Variants in TSPAN7 observed in about 807,000 individuals in gnomAD.
TSPAN7 encodes the protein tetraspanin 7.
Under a neutral mutation model 17.6 loss-of-function variants are expected in TSPAN7, and 1 was observed. That is an observed-to-expected ratio of 0.06 (90% CI 0.02 to 0.27). TSPAN7 has a LOEUF of 0.27. Ranked by LOEUF, TSPAN7 falls within the 10% of genes least tolerant of loss-of-function variation. The pLI is 1.00. For missense variants in TSPAN7, 112 were observed against 201.7 expected, an observed-to-expected ratio of 0.56 and a Z score of 2.69; for synonymous variants, 78 against 79.0, an observed-to-expected ratio of 0.99 and a Z score of 0.07.
intron 1 of TSPAN7, among the ~76,000 whole-genome samples, chrX:38,600,127 T>G (rs141379733): frequency 0.011 from 1,213 of 111,761 alleles, 13 homozygotes; most frequent in African/African-American, 0.036. Flanking sequence ...GCAGAAACTT[T>G]AGTTACCCTC....
chrX:38,617,716 T>C (rs769426437), intron 1 of TSPAN7, among the ~76,000 whole-genome samples: 1 of 112,287 alleles, frequency 8.9e-6, no homozygotes, highest in African/African-American at 3.2e-5. Context: ...TGGTTCATTA[T>C]TTGTATGCTA....
chrX:38,625,265 G>C (rs1422889028), intron 1 of TSPAN7, among the ~76,000 whole-genome samples: 2 of 110,155 alleles, frequency 1.8e-5, no homozygotes, highest in Non-Finnish European at 3.8e-5. Flanking sequence ...TTGAACCCTG[G>C]TCTTTCTGAA....
intron 1 of TSPAN7, among the ~76,000 whole-genome samples, chrX:38,640,187 G>A (rs1390158891): frequency 9.0e-6 from 1 of 111,426 alleles, no homozygotes; most frequent in Non-Finnish European, 1.9e-5. Flanking sequence ...TTGAAATTTA[G>A]TTTTTCAGGA....
intron 3 of TSPAN7, among the ~76,000 whole-genome samples, 154 bp downstream of exon 3, chrX:38,671,604 T>C (rs1038983050): frequency 8.9e-6 from 1 of 112,004 alleles, no homozygotes; most frequent in African/African-American, 3.3e-5. Context: ...CCTGAAATTT[T>C]CATGAAATTC....
At chrX:38,671,258 T>C (rs1472618000) in intron 2 of TSPAN7, 118 bp from the exon 3 acceptor site, 4 of 691,370 alleles carry the variant, frequency 5.8e-6, no homozygotes, top group Non-Finnish European at 9.4e-6. Context: ...TTTCTAAACT[T>C]TGTCTAGGGA....
At chrX:38,582,242 A>T (rs1379891786) in intron 1 of TSPAN7, among the ~76,000 whole-genome samples, 1 of 112,785 alleles carries the variant, frequency 8.9e-6, no homozygotes, top group Non-Finnish European at 1.9e-5. Context: ...TTAAAATTAC[A>T]TCCTATAGAT....
intron 1 of TSPAN7, among the ~76,000 whole-genome samples, chrX:38,575,976 G>A (rs1276362004): frequency 8.9e-6 from 1 of 112,238 alleles, no homozygotes; most frequent in Non-Finnish European, 1.9e-5. Context: ...TATTGCTCTA[G>A]AGAAGTGGTA....
intron 1 of TSPAN7, among the ~76,000 whole-genome samples, chrX:38,584,612 C>CT (rs2069247959): frequency 8.9e-6 from 1 of 111,881 alleles, no homozygotes; most frequent in Non-Finnish European, 1.9e-5. Flanking sequence ...GGTTGTGTGT[C>CT]TTTTTTGTGT....
chrX:38,609,286 G>C (rs2069403994), intron 1 of TSPAN7, among the ~76,000 whole-genome samples: 1 of 111,801 alleles, frequency 8.9e-6, no homozygotes, highest in Non-Finnish European at 1.9e-5. Context: ...ATTTGGAGCT[G>C]TCTCTCTTCA....
chrX:38,683,427 C>T (rs1232646819), intron 6 of TSPAN7, among the ~76,000 whole-genome samples: 2 of 112,961 alleles, frequency 1.8e-5, no homozygotes, highest in Non-Finnish European at 3.7e-5. Flanking sequence ...AGTAAGAGAG[C>T]GGCTTTGGCC....
intron 5 of TSPAN7, among the ~76,000 whole-genome samples, chrX:38,680,145 C>T (rs999639487): frequency 7.2e-5 from 8 of 111,656 alleles, no homozygotes; most frequent in African/African-American, 2.3e-4. Context: ...AAACATGTCT[C>T]AAAGCACTAC....
intron 1 of TSPAN7, among the ~76,000 whole-genome samples, chrX:38,575,547 G>A (rs967755451): frequency 1.8e-5 from 2 of 111,285 alleles, no homozygotes; most frequent in African/African-American, 3.3e-5. Context: ...CTGATACTAC[G>A]GGATATCTAT....
intron 1 of TSPAN7, among the ~76,000 whole-genome samples, chrX:38,563,657 C>G (rs2069126697): frequency 9.0e-6 from 1 of 111,632 alleles, no homozygotes; most frequent in Admixed American, 9.4e-5. Context: ...TTACTTAATG[C>G]CCCCAATACA....
intron 6 of TSPAN7, among the ~76,000 whole-genome samples, chrX:38,685,588 C>T (rs766606337): frequency 1.8e-5 from 2 of 112,077 alleles, no homozygotes; most frequent in Admixed American, 9.4e-5. Context: ...CCACTGCACT[C>T]CAGCCTGGAT....
chrX:38,627,715 C>G (rs768611962), intron 1 of TSPAN7, among the ~76,000 whole-genome samples: 1 of 112,754 alleles, frequency 8.9e-6, no homozygotes, highest in African/African-American at 3.2e-5. Flanking sequence ...AAAAAAAAGT[C>G]TCTTAAAAAT....
chrX:38,629,398 G>A (rs1358061685), intron 1 of TSPAN7, among the ~76,000 whole-genome samples: 2 of 112,300 alleles, frequency 1.8e-5, no homozygotes, highest in East Asian at 2.8e-4. Flanking sequence ...ATTATCACAC[G>A]GTTCACTTGA....
chrX:38,673,404 G>C (rs2069834597), intron 3 of TSPAN7, among the ~76,000 whole-genome samples: 1 of 83,617 alleles, frequency 1.2e-5, no homozygotes, highest in Non-Finnish European at 2.2e-5. Flanking sequence ...GCCTTGCTCT[G>C]TTGCCAAGGC....
chrX:38,630,289 T>G (rs770043993), intron 1 of TSPAN7, among the ~76,000 whole-genome samples: 2 of 112,414 alleles, frequency 1.8e-5, no homozygotes, highest in Non-Finnish European at 3.8e-5. Flanking sequence ...AATGGATATA[T>G]TGCTCTGTTC....
chrX:38,661,469 C>T (rs1053428886), intron 1 of TSPAN7, among the ~76,000 whole-genome samples: 34 of 112,022 alleles, frequency 3.0e-4, no homozygotes, highest in Non-Finnish European at 5.5e-4. Flanking sequence ...GTGTTGTAAG[C>T]ACACAGAAAA....
Sources: gnomAD v4.1 joint callset for allele counts (sites outside exome capture counted in the v4.1 genomes callset) on GRCh38, gnomAD v4.1.1 for gene constraint, MANE v1.5 for transcripts, NCBI Gene and HGNC (gene_info 2026-07-23, HGNC 2026-07-21) for gene names.